DCLK1: variants seen among roughly 807,000 people sequenced by gnomAD.
The protein encoded by DCLK1 is doublecortin like kinase 1.
Under a neutral mutation model 86.2 loss-of-function variants are expected in DCLK1, and 16 were observed. The observed-to-expected ratio is 0.19, with a 90% CI of 0.13 to 0.28. The LOEUF (loss-of-function observed/expected upper bound fraction) is 0.28. Among genes scored for constraint, DCLK1 ranks in the 10% least tolerant of loss-of-function variants. The pLI, the probability that DCLK1 is intolerant of heterozygous loss-of-function variation, is 1.00. For missense variants in DCLK1, 590 were observed against 940.2 expected (o/e 0.63, Z 4.87); for synonymous variants, 369 against 370.5 (o/e 1.00, Z 0.05).
At chr13:35,793,322 G>T in intron 16 of DCLK1, 44 bp downstream of exon 16, 1 of 1,490,764 alleles carries the variant, frequency 6.7e-7, no homozygotes. Context: ...CTCTTAGGTG[G>T]GTTGCTTTAA....
intron 3 of DCLK1, among the ~76,000 whole-genome samples, chr13:36,038,932 G>A (rs190625085): frequency 6.6e-6 from 1 of 152,240 alleles, no homozygotes; most frequent in African/African-American, 2.4e-5. Context: ...ATTTTAGAAT[G>A]TAATCCCCTG....
At chr13:36,131,447 CCT>C, upstream of DCLK1, 1 of 167,916 alleles carries the variant, frequency 6.0e-6, no homozygotes, top group Non-Finnish European at 1.3e-5. Flanking sequence ...CCGTCTCCCT[CCT>C]CCTCCTCCTC....
chr13:35,783,565 T>C (rs1310465861), intron 16 of DCLK1, among the ~76,000 whole-genome samples: 1 of 152,188 alleles, frequency 6.6e-6, no homozygotes, highest in Non-Finnish European at 1.5e-5. Context: ...CAATCTTTAA[T>C]TAAGTTAATT....
At chr13:36,110,138 T>A (rs78241405) in intron 3 of DCLK1, among the ~76,000 whole-genome samples, 3,284 of 152,250 alleles carry the variant, frequency 0.022, 104 homozygotes, top group African/African-American at 0.075. Flanking sequence ...TGAACTCCCA[T>A]CTTGAGAAAA....
rs1378105661 is a variant in DCLK1, at chr13:35,854,510, G to A, written c.1024C>T (p.Arg342Trp). 10 of 1,598,416 alleles carry A rather than the reference G, an allele frequency of 6.3e-6. No homozygotes were observed. Among genetic ancestry groups the A allele is most frequent in the African/African-American group, 4.0e-5 (3 of 74,542 alleles). The change falls in exon 6 of 17, where the codon CGG becomes TGG. Residue 342 changes from arginine (R) to tryptophan (W), a missense_variant. By Grantham distance (101) the Arg-to-Trp change is moderately radical. Around this residue, in one of 6 missense-constraint regions of DCLK1, gnomAD observed 63 missense variants for 64.3 expected, o/e 0.98. Transcript: ENST00000360631. ...GCTTATTTCCTTACCCTCTGCTTCC[G>A]CAGGCTTCCTGGGCTGGTGGGTGAT... ...SPSPTSPGSL[R>W]KQRSSQHGGS...
intron 4 of DCLK1, among the ~76,000 whole-genome samples, chr13:35,895,436 C>G (rs7989412): frequency 1 from 151,563 of 152,272 alleles, 75,433 homozygotes; most frequent in Middle Eastern, 1. Flanking sequence ...GCAGCATTTA[C>G]TTTTAGACTG....
chr13:35,842,196 T>G (rs1410661566), intron 6 of DCLK1, among the ~76,000 whole-genome samples: 2 of 111,810 alleles, frequency 1.8e-5, no homozygotes, highest in African/African-American at 7.1e-5. Context: ...GCCACTGCAC[T>G]CCAGCCTGGG....
chr13:35,873,509 C>T (rs1872418184), intron 4 of DCLK1, among the ~76,000 whole-genome samples: 1 of 151,802 alleles, frequency 6.6e-6, no homozygotes, highest in Non-Finnish European at 1.5e-5. Context: ...CTCAGCCTCC[C>T]AAGTAGCTGG....
At chr13:35,794,888 G>A (rs576570277) in intron 15 of DCLK1, among the ~76,000 whole-genome samples, 2 of 152,164 alleles carry the variant, frequency 1.3e-5, no homozygotes, top group Non-Finnish European at 1.5e-5. Context: ...AACAGAAGCA[G>A]GGCCACATGA....
At chr13:35,880,396 G>T (rs543799150) in intron 4 of DCLK1, among the ~76,000 whole-genome samples, 16 of 152,242 alleles carry the variant, frequency 1.1e-4, no homozygotes, top group African/African-American at 3.9e-4. Flanking sequence ...TGCCCTCTAG[G>T]TAAGGTTCTT....
chr13:35,903,422 C>CCT (rs1051009952), intron 4 of DCLK1, among the ~76,000 whole-genome samples: 1 of 151,620 alleles, frequency 6.6e-6, no homozygotes, highest in Non-Finnish European at 1.5e-5. Context: ...TAATATGCTT[C>CCT]CTCTCTCTCT....
chr13:35,936,962 C>CTTTTGTTTTTTTTTTTTTTTTTTT (rs1876787159), intron 4 of DCLK1, among the ~76,000 whole-genome samples: 1 of 65,712 alleles, frequency 1.5e-5, no homozygotes, highest in Non-Finnish European at 3.0e-5. Context: ...GAAAAGTTAG[C>CTTTTGTTTTTTTTTTTTTTTTTTT]TTTTTTTTTT....
At chr13:35,949,259 T>C (rs2153133742) in intron 3 of DCLK1, among the ~76,000 whole-genome samples, 1 of 152,376 alleles carries the variant, frequency 6.6e-6, no homozygotes, top group East Asian at 1.9e-4. Context: ...TGTTCTAATG[T>C]ACACCATGAT....
intron 3 of DCLK1, among the ~76,000 whole-genome samples, chr13:36,035,215 C>G (rs577596891): frequency 1.3e-5 from 2 of 152,260 alleles, no homozygotes; most frequent in East Asian, 1.9e-4. Flanking sequence ...CTCTCTTTCT[C>G]TCTTTGCCTC....
chr13:36,013,518 G>A (rs1031876327), intron 3 of DCLK1, among the ~76,000 whole-genome samples: 28 of 152,200 alleles, frequency 1.8e-4, no homozygotes, highest in Admixed American at 7.8e-4. Context: ...CTGCTGGGGG[G>A]TGCCTCCCAG....
chr13:35,864,694 C>T (rs1871663896), intron 5 of DCLK1, among the ~76,000 whole-genome samples: 1 of 143,528 alleles, frequency 7.0e-6, no homozygotes, highest in Admixed American at 7.1e-5. Context: ...ACTCTGGCAT[C>T]CAAGCTGGAG....
chr13:36,023,864 A>G (rs1450314128), intron 3 of DCLK1, among the ~76,000 whole-genome samples: 2 of 151,052 alleles, frequency 1.3e-5, no homozygotes, highest in Non-Finnish European at 3.0e-5. Context: ...TGGGAACACG[A>G]TGAAGATGTC....
rs144865970 is a variant in DCLK1 at position 35,802,927 on chromosome 13, C to T, written c.1944+2772G>A. ...GCTGGCTTGTGCCTCTTCCTCCCCG[C>T]ACAGCTAAGAAAAAGGTACCATGAC... On this transcript the variant is annotated intron_variant, in intron 15 of 16. Transcript: ENST00000360631. 6.4e-3 allele frequency among the ~76,000 whole-genome samples: 973 copies of T among 152,264 alleles called. 7 individuals are homozygous for T. Among genetic ancestry groups the T allele is most frequent in the Non-Finnish European group, 9.4e-3 (638 of 68,026 alleles).
intron 15 of DCLK1, among the ~76,000 whole-genome samples, chr13:35,800,833 C>T (rs1292961026): frequency 2.0e-5 from 3 of 152,044 alleles, no homozygotes; most frequent in African/African-American, 7.2e-5. Flanking sequence ...CCTCATTCCT[C>T]AGCCTCCCCA....
Sources: allele counts gnomAD v4.1 joint callset (sites outside exome capture counted in the v4.1 genomes callset), GRCh38; gene constraint gnomAD v4.1.1; regional missense constraint gnomAD v4.1.1; transcripts MANE v1.5; gene names NCBI Gene and HGNC (gene_info 2026-07-23, HGNC 2026-07-21).